Variants in KCNIP4 observed in about 807,000 individuals in gnomAD.
KCNIP4 encodes potassium voltage-gated channel interacting protein 4.
Under a neutral mutation model 34.0 loss-of-function variants are expected in KCNIP4, and 12 were observed. The ratio of observed to expected loss-of-function variants is 0.35; its 90% CI spans 0.23 to 0.57. The LOEUF (loss-of-function observed/expected upper bound fraction) is 0.57, where lower values mean the gene tolerates loss of function less well. Among genes scored for constraint, KCNIP4 ranks in the 20% least tolerant of loss-of-function variants. KCNIP4 has a pLI of 0.83. For missense variants in KCNIP4, 238 were observed against 311.7 expected (o/e 0.76, Z 1.78); for synonymous variants, 124 against 102.2 (o/e 1.21, Z -1.29).
At chr4:21,022,757 G>A (rs1057231050) in intron 1 of KCNIP4, among the ~76,000 whole-genome samples, 1 of 152,104 alleles carries the variant, frequency 6.6e-6, no homozygotes, top group East Asian at 1.9e-4. Context: ...CAAATTATTT[G>A]TTTCAAATGA....
chr4:20,759,732 A>G (rs1486973007), intron 3 of KCNIP4, among the ~76,000 whole-genome samples: 3 of 152,202 alleles, frequency 2.0e-5, no homozygotes, highest in East Asian at 1.9e-4. Flanking sequence ...TTGTCCCCCA[A>G]TCTCTGGAAA....
At chr4:21,232,840 A>C (rs1758899360) in intron 1 of KCNIP4, among the ~76,000 whole-genome samples, 1 of 152,172 alleles carries the variant, frequency 6.6e-6, no homozygotes, top group Admixed American at 6.6e-5. Flanking sequence ...ATATCTGTGT[A>C]CAGAAGTATC....
At chr4:21,191,692 G>A (rs1406030042) in intron 1 of KCNIP4, among the ~76,000 whole-genome samples, 1 of 152,096 alleles carries the variant, frequency 6.6e-6, no homozygotes, top group Non-Finnish European at 1.5e-5. Flanking sequence ...ATTTTATCTG[G>A]GATCAGTATA....
intron 1 of KCNIP4, among the ~76,000 whole-genome samples, chr4:21,190,156 G>C (rs1380459767): frequency 6.6e-6 from 1 of 152,130 alleles, no homozygotes; most frequent in Non-Finnish European, 1.5e-5. Flanking sequence ...GGAGTCTCTT[G>C]AGTCATCTTT....
At chr4:21,303,691 G>T in intron 1 of KCNIP4, 3 of 738,058 alleles carry the variant, frequency 4.1e-6, no homozygotes, top group Non-Finnish European at 6.4e-6. Flanking sequence ...CTTCCTTCAT[G>T]TCCATCCCAG....
intron 1 of KCNIP4, among the ~76,000 whole-genome samples, chr4:21,753,003 CT>C (rs1577941239): frequency 6.6e-6 from 1 of 151,980 alleles, no homozygotes; most frequent in Admixed American, 6.6e-5. Flanking sequence ...TTTTTTTTAT[CT>C]TTTTTTCCAA....
At chr4:21,255,839 A>T (rs934107735) in intron 1 of KCNIP4, among the ~76,000 whole-genome samples, 1 of 152,184 alleles carries the variant, frequency 6.6e-6, no homozygotes, top group East Asian at 1.9e-4. Flanking sequence ...ACTTGAAGAA[A>T]CATGTTGACA....
chr4:21,710,585 C>A (rs911087037), intron 1 of KCNIP4, among the ~76,000 whole-genome samples: 10 of 152,164 alleles, frequency 6.6e-5, no homozygotes, highest in Non-Finnish European at 1.5e-4. Flanking sequence ...GCAGATCCAG[C>A]CACAGCTGAC....
At chr4:21,118,864 C>T (rs557563329) in intron 1 of KCNIP4, among the ~76,000 whole-genome samples, 1 of 152,284 alleles carries the variant, frequency 6.6e-6, no homozygotes, top group East Asian at 1.9e-4. Flanking sequence ...AGAGGCTTGA[C>T]TTCTTGCCAG....
intron 1 of KCNIP4, among the ~76,000 whole-genome samples, chr4:21,075,104 T>A (rs1745357974): frequency 6.6e-6 from 1 of 152,200 alleles, no homozygotes; most frequent in Non-Finnish European, 1.5e-5. Flanking sequence ...CTGAGAAGAA[T>A]GTATATTCTG....
intron 1 of KCNIP4, among the ~76,000 whole-genome samples, chr4:21,592,882 T>C (rs1459431182): frequency 6.6e-6 from 1 of 152,120 alleles, no homozygotes; most frequent in East Asian, 1.9e-4. Context: ...AATCTATGAT[T>C]AGAGTGCCCC....
At chr4:20,963,191 G>A (rs1343181949) in intron 1 of KCNIP4, among the ~76,000 whole-genome samples, 1 of 151,996 alleles carries the variant, frequency 6.6e-6, no homozygotes, top group Admixed American at 6.6e-5. Flanking sequence ...GCTGGGCATG[G>A]TGACACACGC....
At chr4:21,294,538 G>C (rs943134742) in intron 1 of KCNIP4, among the ~76,000 whole-genome samples, 3 of 152,162 alleles carry the variant, frequency 2.0e-5, no homozygotes, top group Admixed American at 1.3e-4. Context: ...TGAAGAGCTA[G>C]AATTCCTATA....
At position 21,600,415 on chromosome 4, in the gene KCNIP4, T is replaced by C. The variant is rs74457310; in HGVS notation, c.61+348156A>G. Among the ~76,000 whole-genome samples the C allele has an allele frequency of 1.8e-4, 28 of 152,248 alleles. No individual in the cohort carries two copies. The East Asian group carries it at 5.4e-3, about 29-fold the overall frequency. On this transcript the variant is annotated intron_variant, in intron 1 of 8. Coordinates refer to ENST00000382152, the MANE Select transcript of KCNIP4 (RefSeq NM_025221.6). The stretch of plus-strand genomic sequence containing the variant: ...ATATTTTGGGGGTACACGTGCTAGT[T>C]TGACACATTCATATAATGTATAAAT...
At chr4:21,183,906 C>CT (rs1755025452) in intron 1 of KCNIP4, among the ~76,000 whole-genome samples, 1 of 152,128 alleles carries the variant, frequency 6.6e-6, no homozygotes, top group African/African-American at 2.4e-5. Flanking sequence ...TCTACAGCAG[C>CT]CCCTCCTTTC....
chr4:21,569,234 T>TAAA (rs71191521), intron 1 of KCNIP4, among the ~76,000 whole-genome samples: 783 of 25,194 alleles, frequency 0.031, 139 homozygotes, highest in Middle Eastern at 0.083. Flanking sequence ...ACTGATATTC[T>TAAA]AAAAAAAAAA....
At chr4:20,878,850 G>A (rs760460061) in intron 2 of KCNIP4, among the ~76,000 whole-genome samples, 3 of 152,174 alleles carry the variant, frequency 2.0e-5, no homozygotes, top group Non-Finnish European at 2.9e-5. Context: ...ATAAAAGTCT[G>A]AGCTGGCTCA....
At chr4:21,108,462 C>A (rs897400286) in intron 1 of KCNIP4, among the ~76,000 whole-genome samples, 17 of 151,828 alleles carry the variant, frequency 1.1e-4, no homozygotes, top group African/African-American at 4.1e-4. Flanking sequence ...CTCCTTTAAG[C>A]ACTTCTGTGT....
Position 21,081,502 on chromosome 4 carries a change from T to C in KCNIP4, c.62-198793A>G, listed in dbSNP as rs1428242017. 2.6e-5 allele frequency among the ~76,000 whole-genome samples: 4 copies of C among 151,708 alleles called. 1 individual carries two copies. In the South Asian group the frequency reaches 6.2e-4, roughly 24 times the overall value. Reference sequence around the variant, plus strand: ...TCGGTAGTATGTTTTAAAATTAACCTCAAAACGGCCCCAAATTTTGTTAAA... The same window carrying C: ...TCGGTAGTATGTTTTAAAATTAACCCCAAAACGGCCCCAAATTTTGTTAAA... On this transcript the variant is annotated intron_variant, in intron 1 of 8. Transcript: ENST00000382152.
Sources: allele counts gnomAD v4.1 joint callset (sites outside exome capture counted in the v4.1 genomes callset), GRCh38; gene constraint gnomAD v4.1.1; transcripts MANE v1.5; gene names NCBI Gene and HGNC (gene_info 2026-07-23, HGNC 2026-07-21).